The following DPY30 variants were observed in gnomAD, a reference collection of about 807,000 sequenced individuals.
DPY30 encodes dpy-30 histone methyltransferase complex regulatory subunit.
Under a neutral mutation model 16.2 loss-of-function variants are expected in DPY30, and 6 were observed. That is an observed-to-expected ratio of 0.37 (90% CI 0.20 to 0.73). The LOEUF (loss-of-function observed/expected upper bound fraction) is 0.73. Among genes scored for constraint, DPY30 ranks in the 30% least tolerant of loss-of-function variants. The pLI is 0.51. For missense variants in DPY30, 73 were observed against 113.1 expected (o/e 0.65, Z 1.61); for synonymous variants, 39 against 38.8 (o/e 1.00, Z -0.02).
intron 3 of DPY30, among the ~76,000 whole-genome samples, chr2:32,038,946 C>T (rs538341290): frequency 1.8e-4 from 27 of 152,218 alleles, no homozygotes; most frequent in Middle Eastern, 3.4e-3. Flanking sequence ...TCGCGCCCGG[C>T]GAAGGGTTTC....
downstream of DPY30, among the ~76,000 whole-genome samples, chr2:32,022,525 T>G (rs1675208422): frequency 6.6e-6 from 1 of 151,952 alleles, no homozygotes. Context: ...TTTTTTTAAT[T>G]TTTTTTCTTT....
intron 1 of DPY30, 86 bp from the exon 2 acceptor site, chr2:32,039,578 G>A: frequency 1.5e-6 from 2 of 1,344,650 alleles, no homozygotes; most frequent in Non-Finnish European, 2.1e-6. Flanking sequence ...CCCCGACCCC[G>A]CCCCTCACCC....
chr2:32,023,794 C>T, downstream of DPY30: 1 of 1,306,984 alleles, frequency 7.7e-7, no homozygotes, highest in South Asian at 1.2e-5. Context: ...TGTATTTTCT[C>T]TCTGTTGTAA....
intron 4 of DPY30, among the ~76,000 whole-genome samples, chr2:32,028,840 G>A (rs1675428305): frequency 6.6e-6 from 1 of 151,986 alleles, no homozygotes; most frequent in Non-Finnish European, 1.5e-5. Flanking sequence ...GCAGGTGCCT[G>A]TAATCCCAGC....
chr2:32,035,914 C>G (rs1046818043), intron 3 of DPY30, among the ~76,000 whole-genome samples: 1 of 124,716 alleles, frequency 8.0e-6, no homozygotes, highest in African/African-American at 3.1e-5. Context: ...AACCTGGCGA[C>G]AGAGCAAGAC....
At chr2:32,011,670 A>C (rs1262163957), downstream of DPY30, among the ~76,000 whole-genome samples, 1 of 152,264 alleles carries the variant, frequency 6.6e-6, no homozygotes, top group African/African-American at 2.4e-5. Flanking sequence ...AGGAAGTGTT[A>C]TTGTTACAAA....
At chr2:32,026,120 T>G (rs965223442) in intron 4 of DPY30, among the ~76,000 whole-genome samples, 1 of 152,008 alleles carries the variant, frequency 6.6e-6, no homozygotes, top group Non-Finnish European at 1.5e-5. Context: ...AAAAAAAAAT[T>G]TGTGTTTTAA....
intron 5 of DPY30, chr2:32,013,412 T>G (rs1348034598): frequency 3.3e-5 from 5 of 152,206 alleles, no homozygotes; most frequent in African/African-American, 1.2e-4. Flanking sequence ...TCTCAATACG[T>G]GCCACAATTA....
chr2:32,039,152 T>G, intron 3 of DPY30, 127 bp downstream of exon 3: 2 of 1,110,538 alleles, frequency 1.8e-6, no homozygotes, highest in South Asian at 1.3e-5. Context: ...TACCCATAAC[T>G]TGATACTATT....
At chr2:32,036,388 C>T (rs536603506) in intron 3 of DPY30, among the ~76,000 whole-genome samples, 1 of 152,104 alleles carries the variant, frequency 6.6e-6, no homozygotes, top group South Asian at 2.1e-4. Flanking sequence ...AAGAAAAAAA[C>T]TGGCTGGGCG....
chr2:32,038,767 C>T (rs1675852531), intron 3 of DPY30, among the ~76,000 whole-genome samples: 1 of 150,630 alleles, frequency 6.6e-6, no homozygotes. Context: ...CTGGCCTCAG[C>T]CACCCGAACA....
chr2:32,024,065 T>G lies in DPY30; in HGVS notation c.*119A>C. On this transcript the variant is annotated 3_prime_UTR_variant, in exon 5 of 5. Transcript: ENST00000342166. ...ATCTTCTGCAATTCCAGAAATAGGT[T>G]CTGTTGTCCGGAAGGTTCTTATACA... 6.6e-7 allele frequency: 1 copy of G among 1,507,364 alleles called. No individual in the cohort carries two copies. The highest frequency in any genetic ancestry group is 8.8e-7 in the Non-Finnish European group (1 of 1,135,360). 93.4% of individuals were successfully genotyped at this position (1,507,364 alleles called of 1,614,324 possible). A position where few individuals can be genotyped will look rare whatever the true frequency, so the allele number is the denominator to read the frequency against.
intron 5 of DPY30, among the ~76,000 whole-genome samples, chr2:32,015,823 C>A (rs924567842): frequency 2.8e-5 from 4 of 142,532 alleles, no homozygotes; most frequent in Admixed American, 2.2e-4. Flanking sequence ...CCACTGCAGT[C>A]AAGGCTGACA....
At chr2:32,030,078 A>T (rs558055256) in intron 3 of DPY30, among the ~76,000 whole-genome samples, 54 of 150,188 alleles carry the variant, frequency 3.6e-4, no homozygotes, top group East Asian at 5.8e-4. Flanking sequence ...AAAAAAAAAA[A>T]AAAATAATGA....
intron 3 of DPY30, 101 bp downstream of exon 3, chr2:32,039,178 A>T: frequency 7.0e-7 from 1 of 1,434,094 alleles, no homozygotes; most frequent in Non-Finnish European, 9.8e-7. Context: ...CACGATAACA[A>T]AGTTTTCCCT....
downstream of DPY30, among the ~76,000 whole-genome samples, chr2:32,019,502 C>T (rs567889984): frequency 1.1e-4 from 17 of 151,822 alleles, no homozygotes; most frequent in Middle Eastern, 3.4e-3. Flanking sequence ...CACAGCCAGA[C>T]GCTGTCTCAA....
At chr2:32,038,647 C>CT (rs10679637) in intron 3 of DPY30, among the ~76,000 whole-genome samples, 51,582 of 111,064 alleles carry the variant, frequency 0.46, 14,154 homozygotes, top group East Asian at 0.55. Flanking sequence ...TTATTTTTTA[C>CT]TTTTTTTTTT....
chr2:32,024,101 G>C lies in DPY30; in HGVS notation c.*83C>G. On this transcript the variant is annotated 3_prime_UTR_variant, in exon 5 of 5. Coordinates refer to ENST00000342166, the MANE Select transcript of DPY30 (RefSeq NM_001321209.2). ...GAAGGTTCTTATACATCCAAAAAGAGGGAATGATCATGGCAATTAAAGCTG... is the reference window on the plus strand; with the variant it reads ...GAAGGTTCTTATACATCCAAAAAGACGGAATGATCATGGCAATTAAAGCTG... The C allele has an allele frequency of 1.3e-6, 2 of 1,549,144 alleles. No individual in the cohort carries two copies. The highest frequency in any genetic ancestry group is 1.7e-6 in the Non-Finnish European group (2 of 1,150,142).
At chr2:32,036,277 A>G (rs191351473) in intron 3 of DPY30, among the ~76,000 whole-genome samples, 2 of 152,182 alleles carry the variant, frequency 1.3e-5, no homozygotes, top group South Asian at 2.1e-4. Context: ...GTCCCATGGC[A>G]AAGTATTTTT....
Sources: gnomAD v4.1 joint callset for allele counts (sites outside exome capture counted in the v4.1 genomes callset) on GRCh38, gnomAD v4.1.1 for gene constraint, MANE v1.5 for transcripts, NCBI Gene and HGNC (gene_info 2026-07-23, HGNC 2026-07-21) for gene names.